The following ATF6 variants were observed in gnomAD, a reference collection of about 807,000 sequenced individuals.
The protein encoded by ATF6 is activating transcription factor 6, also known as cyclic AMP-dependent transcription factor ATF-6 alpha.
Under a neutral mutation model 83.6 loss-of-function variants are expected in ATF6, and 53 were observed. The observed-to-expected ratio is 0.63, with a 90% CI of 0.51 to 0.80. The LOEUF (loss-of-function observed/expected upper bound fraction) is 0.80. Ranked by LOEUF, ATF6 falls within the 30% of genes least tolerant of loss-of-function variation. ATF6 has a pLI of 0.00. For missense variants in ATF6, 744 were observed against 797.9 expected (o/e 0.93, Z 0.81); for synonymous variants, 288 against 285.8 (o/e 1.01, Z -0.08).
intron 14 of ATF6, among the ~76,000 whole-genome samples, chr1:161,896,082 G>T (rs1004491204): frequency 6.6e-6 from 1 of 152,142 alleles, no homozygotes; most frequent in African/African-American, 2.4e-5. Context: ...TTATCCATGG[G>T]AAGCCAAATA....
chr1:161,886,987 CCTTAA>C (rs1687434354), intron 14 of ATF6, among the ~76,000 whole-genome samples: 1 of 152,098 alleles, frequency 6.6e-6, no homozygotes. Context: ...GTTTCTGTAC[CCTTAA>C]CTTGCAGTGG....
intron 14 of ATF6, among the ~76,000 whole-genome samples, chr1:161,878,109 C>T (rs1687253860): frequency 6.6e-6 from 1 of 151,956 alleles, no homozygotes; most frequent in Non-Finnish European, 1.5e-5. Flanking sequence ...ATTGTCAGCT[C>T]ATACACATTT....
chr1:161,771,206 C>CCCT (rs754413089), intron 1 of ATF6, among the ~76,000 whole-genome samples: 2 of 151,862 alleles, frequency 1.3e-5, no homozygotes, highest in Admixed American at 6.6e-5. Flanking sequence ...CTTCTTTCTT[C>CCCT]CCTCCTCCTC....
chr1:161,811,286 A>G lies in ATF6; in HGVS notation c.910-8347A>G, dbSNP rs573431187. 2.6e-5 allele frequency among the ~76,000 whole-genome samples: 4 copies of G among 152,360 alleles called. No individual in the cohort carries two copies. In the South Asian group the frequency reaches 8.3e-4, roughly 32 times the overall value. On this transcript the variant is annotated intron_variant, in intron 7 of 15. Coordinates refer to ENST00000367942, the MANE Select transcript of ATF6 (RefSeq NM_007348.4). ...AGATTACTATTTTATAACTATGTGA[A>G]AGAATATTAATTGTTAGCAGGAGAG... is the stretch of plus-strand genomic sequence containing the variant.
rs561075494 is a variant in ATF6 at position 161,940,388 on chromosome 1, C to T, written c.1805-18058C>T. ...CCCTGTGTGAACCAACTCTTTCTATCTCTCTGGCCTCATTTTCCCATTTTC... is the reference window on the plus strand; with the variant it reads ...CCCTGTGTGAACCAACTCTTTCTATTTCTCTGGCCTCATTTTCCCATTTTC... On this transcript the variant is annotated intron_variant, in intron 15 of 15. Coordinates refer to ENST00000367942, the MANE Select transcript of ATF6 (RefSeq NM_007348.4). 7.9e-5 allele frequency among the ~76,000 whole-genome samples: 12 copies of T among 152,072 alleles called. No homozygotes were observed. In the East Asian group the frequency reaches 2.3e-3, roughly 29 times the overall value.
chr1:161,830,485 G>A (rs145596183), intron 9 of ATF6, among the ~76,000 whole-genome samples: 3,227 of 152,160 alleles, frequency 0.021, 119 homozygotes, highest in African/African-American at 0.073. Context: ...AGCCTGCATC[G>A]CCAAGTCAAT....
chr1:161,820,004 T>C (rs568645549), intron 8 of ATF6, among the ~76,000 whole-genome samples, 186 bp downstream of exon 8: 1 of 152,298 alleles, frequency 6.6e-6, no homozygotes, highest in South Asian at 2.1e-4. Context: ...TGAATTGTAC[T>C]CCCCAATCTA....
chr1:161,906,250 C>T (rs922428927), intron 14 of ATF6, among the ~76,000 whole-genome samples: 1 of 152,178 alleles, frequency 6.6e-6, no homozygotes, highest in Non-Finnish European at 1.5e-5. Flanking sequence ...GGAGATCAAT[C>T]CTGACCTGGT....
chr1:161,811,920 A>G lies in ATF6; in HGVS notation c.910-7713A>G, dbSNP rs1038056966. Among the ~76,000 whole-genome samples, 4 of 152,192 alleles carry G rather than the reference A, an allele frequency of 2.6e-5. No homozygotes were observed. The South Asian group carries it at 6.2e-4, about 24-fold the overall frequency. On this transcript the variant is annotated intron_variant, in intron 7 of 15. Coordinates refer to ENST00000367942, the MANE Select transcript of ATF6 (RefSeq NM_007348.4). The stretch of plus-strand genomic sequence containing the variant: ...TCTTTTATTAACTTCAATAATTTAC[A>G]TTAATAAAATAGTTCAATCACCTGT...
chr1:161,915,729 G>T (rs1688084504), intron 15 of ATF6, among the ~76,000 whole-genome samples: 1 of 151,474 alleles, frequency 6.6e-6, no homozygotes, highest in South Asian at 2.1e-4. Flanking sequence ...GGCTCAAGCA[G>T]TTCTCCCACT....
chr1:161,775,477 A>G (rs1021012201), intron 1 of ATF6, among the ~76,000 whole-genome samples: 7 of 152,130 alleles, frequency 4.6e-5, no homozygotes, highest in Admixed American at 2.0e-4. Flanking sequence ...ACATTGCACT[A>G]TAAGAACCAA....
At chr1:161,840,570 C>T (rs544341563) in intron 9 of ATF6, 1 of 152,306 alleles carries the variant, frequency 6.6e-6, no homozygotes, top group East Asian at 1.9e-4. Flanking sequence ...TGTTCAGCTA[C>T]TTGGTATGAA....
At chr1:161,888,502 T>C (rs931177977) in intron 14 of ATF6, among the ~76,000 whole-genome samples, 4 of 152,202 alleles carry the variant, frequency 2.6e-5, no homozygotes, top group Non-Finnish European at 4.4e-5. Flanking sequence ...CTAATTCACC[T>C]CTTGGGGGAG....
At chr1:161,772,680 A>T (rs964646857) in intron 1 of ATF6, among the ~76,000 whole-genome samples, 1 of 151,574 alleles carries the variant, frequency 6.6e-6, no homozygotes, top group Non-Finnish European at 1.5e-5. Flanking sequence ...TCTCTACTAG[A>T]TCATCTCTGT....
intron 9 of ATF6, among the ~76,000 whole-genome samples, chr1:161,839,916 T>A (rs12691498): frequency 0.15 from 23,335 of 152,108 alleles, 2,763 homozygotes; most frequent in African/African-American, 0.33. Context: ...GAGAGGTCAA[T>A]TGAGGTAAGA....
chr1:161,818,156 CAGTA>C (rs1468206703), intron 7 of ATF6, among the ~76,000 whole-genome samples: 1 of 151,248 alleles, frequency 6.6e-6, no homozygotes, highest in Non-Finnish European at 1.5e-5. Flanking sequence ...TTACTGGTCT[CAGTA>C]AGAGTTATTG....
chr1:161,788,170 C>G (rs905994780), intron 4 of ATF6, among the ~76,000 whole-genome samples: 3 of 152,206 alleles, frequency 2.0e-5, no homozygotes, highest in African/African-American at 7.2e-5. Flanking sequence ...ACTCTGTGGG[C>G]TGGCAGCAGT....
rs149081205 is a variant in ATF6, at chr1:161,787,665, CTA to C, written c.354+3571_354+3572del. ...TCAGGAAGGAATATTTTCTAAGTGACTATGAATAAGTATTTATCATGAGATAT... is the reference window on the plus strand; with the variant it reads ...TCAGGAAGGAATATTTTCTAAGTGACTGAATAAGTATTTATCATGAGATAT... On this transcript the variant is annotated intron_variant, in intron 4 of 15. Transcript: ENST00000367942. Among the ~76,000 whole-genome samples the C allele has an allele frequency of 4.8e-3, 729 of 152,226 alleles. 5 individuals carry two copies. The highest frequency in any genetic ancestry group is 0.043 in the East Asian group (224 of 5,190).
At chr1:161,800,737 A>G (rs992654883) in intron 6 of ATF6, among the ~76,000 whole-genome samples, 5 of 152,234 alleles carry the variant, frequency 3.3e-5, no homozygotes, top group African/African-American at 1.2e-4. Context: ...AGGTGAGAAG[A>G]AACATCAGAA....
Sources: gnomAD v4.1 joint callset for allele counts (sites outside exome capture counted in the v4.1 genomes callset) on GRCh38, gnomAD v4.1.1 for gene constraint, MANE v1.5 for transcripts, NCBI Gene and HGNC (gene_info 2026-07-23, HGNC 2026-07-21) for gene names.